APIP: variants seen among roughly 807,000 people sequenced by gnomAD.
The protein encoded by APIP is APAF1 interacting protein, also known as methylthioribulose-1-phosphate dehydratase.
APIP carries 32 observed loss-of-function variants against 32.0 expected under a neutral mutation model. The ratio of observed to expected loss-of-function variants is 1.00; its 90% confidence interval spans 0.76 to 1.34. The LOEUF (loss-of-function observed/expected upper bound fraction) is 1.34, where lower values mean the gene tolerates loss of function less well. APIP is among the 40% of genes most tolerant of loss of function. The pLI, the probability that APIP is intolerant of heterozygous loss-of-function variation, is 0.00. For missense variants in APIP, 247 were observed against 298.6 expected (o/e 0.83, Z 1.27); for synonymous variants, 92 against 94.8 (o/e 0.97, Z 0.17).
chr11:34,910,576 G>T (rs1477046905), intron 1 of APIP, among the ~76,000 whole-genome samples: 1 of 152,168 alleles, frequency 6.6e-6, no homozygotes, highest in African/African-American at 2.4e-5. Flanking sequence ...ACAGGAATGG[G>T]AGGAAAGGTA....
intron 1 of APIP, among the ~76,000 whole-genome samples, chr11:34,908,313 A>G (rs7110223): frequency 0.19 from 28,813 of 152,176 alleles, 3,893 homozygotes; most frequent in African/African-American, 0.39. Context: ...GATACCCAGT[A>G]AATACTCTTT....
At chr11:34,913,817 G>A (rs1024710798) in intron 1 of APIP, among the ~76,000 whole-genome samples, 6 of 152,136 alleles carry the variant, frequency 3.9e-5, no homozygotes, top group South Asian at 2.1e-4. Flanking sequence ...GACACAGAGC[G>A]CCGATTGGTG....
intron 1 of APIP, among the ~76,000 whole-genome samples, chr11:34,910,023 G>T (rs1460580296): frequency 1.3e-5 from 2 of 152,126 alleles, no homozygotes; most frequent in East Asian, 3.9e-4. Context: ...GAGAATAAAA[G>T]GTATAAAACA....
chr11:34,913,517 C>T (rs1016634525), intron 1 of APIP, among the ~76,000 whole-genome samples: 6 of 151,684 alleles, frequency 4.0e-5, no homozygotes, highest in African/African-American at 1.2e-4. Context: ...GCAGGTTGTT[C>T]GTTCCTCCCG....
At chr11:34,908,179 A>G (rs573501552) in intron 1 of APIP, among the ~76,000 whole-genome samples, 9 of 152,362 alleles carry the variant, frequency 5.9e-5, no homozygotes, top group African/African-American at 2.2e-4. Flanking sequence ...GATACTGTCC[A>G]CAGGTTAACA....
At chr11:34,895,885 AAATG>A (rs1259720320) in intron 1 of APIP, among the ~76,000 whole-genome samples, 8 of 143,282 alleles carry the variant, frequency 5.6e-5, no homozygotes, top group African/African-American at 1.0e-4. Flanking sequence ...ATAAATAAAT[AAATG>A]AAGAAGAAAT....
chr11:34,907,137 G>A (rs1214838881), intron 1 of APIP, among the ~76,000 whole-genome samples: 1 of 152,056 alleles, frequency 6.6e-6, no homozygotes, highest in Non-Finnish European at 1.5e-5. Flanking sequence ...CCTCAGGAAG[G>A]GAATATTACA....
At chr11:34,886,184 T>C (rs754966895) in intron 5 of APIP, among the ~76,000 whole-genome samples, 40 of 152,250 alleles carry the variant, frequency 2.6e-4, no homozygotes, top group Non-Finnish European at 4.7e-4. Flanking sequence ...GACAGCTCCA[T>C]GCATGTTACT....
chr11:34,883,167 C>G (rs1354347218), intron 6 of APIP, among the ~76,000 whole-genome samples, 170 bp downstream of exon 6: 1 of 152,116 alleles, frequency 6.6e-6, no homozygotes, highest in Non-Finnish European at 1.5e-5. Flanking sequence ...AGAGCCTTGC[C>G]AAACAACAGC....
chr11:34,890,921 T>C (rs1306818161), intron 2 of APIP, among the ~76,000 whole-genome samples: 1 of 152,172 alleles, frequency 6.6e-6, no homozygotes, highest in Non-Finnish European at 1.5e-5. Flanking sequence ...AATACAGTTA[T>C]TCTAAAATCC....
chr11:34,887,668 C>A (rs1319948027), intron 5 of APIP, among the ~76,000 whole-genome samples: 1 of 152,082 alleles, frequency 6.6e-6, no homozygotes, highest in Admixed American at 6.6e-5. Flanking sequence ...CTAATAAACT[C>A]AAATGAAATG....
At chr11:34,907,095 A>C (rs1023830544) in intron 1 of APIP, among the ~76,000 whole-genome samples, 19 of 152,152 alleles carry the variant, frequency 1.2e-4, no homozygotes, top group Admixed American at 3.9e-4. Context: ...GTTCTTGCCC[A>C]AAACCCCCTA....
intron 1 of APIP, among the ~76,000 whole-genome samples, chr11:34,908,409 C>A (rs960075057): frequency 6.6e-6 from 1 of 152,228 alleles, no homozygotes; most frequent in Non-Finnish European, 1.5e-5. Context: ...ATGAGTCATA[C>A]TTTCTCTCTG....
chr11:34,888,311 G>A lies in APIP; in HGVS notation c.443C>T (p.Thr148Ile). ...QEMIKGIKKC[T>I]SGGYYRYDDM... The stretch of plus-strand genomic sequence containing the variant: ...AAAATACCTATAATACCCTCCGGAA[G>A]TACATTTCTTTATTCCTTTTATCAT... The change falls in exon 5 of 7, where the codon ACT (threonine) becomes ATT (isoleucine). Residue 148 changes from threonine (T) to isoleucine (I), a missense_variant. Coordinates refer to ENST00000395787, the MANE Select transcript of APIP (RefSeq NM_015957.4). The A allele has an allele frequency of 6.3e-7, 1 of 1,598,624 alleles. No individual in the cohort carries two copies. Among genetic ancestry groups the A allele is most frequent in the Non-Finnish European group, 8.5e-7 (1 of 1,175,038 alleles).
chr11:34,903,441 C>A (rs1339883860), intron 1 of APIP, among the ~76,000 whole-genome samples: 5 of 152,218 alleles, frequency 3.3e-5, no homozygotes, highest in African/African-American at 1.2e-4. Flanking sequence ...AGAGAGCTAA[C>A]ATTTACACTG....
chr11:34,885,957 T>C (rs536166065), intron 5 of APIP, among the ~76,000 whole-genome samples: 32 of 152,212 alleles, frequency 2.1e-4, no homozygotes, highest in Non-Finnish European at 1.5e-4. Flanking sequence ...GCTAGCTGTA[T>C]AAAAGTACAG....
intron 1 of APIP, among the ~76,000 whole-genome samples, chr11:34,897,094 A>C (rs1476049173): frequency 3.9e-5 from 6 of 152,254 alleles, no homozygotes; most frequent in African/African-American, 1.4e-4. Flanking sequence ...TTGAATTCTC[A>C]GCTACTTAGC....
intron 5 of APIP, among the ~76,000 whole-genome samples, chr11:34,885,521 G>C (rs1853052588): frequency 6.6e-6 from 1 of 152,124 alleles, no homozygotes; most frequent in African/African-American, 2.4e-5. Context: ...AGGGCCCCGA[G>C]CTGTACACAG....
intron 1 of APIP, among the ~76,000 whole-genome samples, chr11:34,899,268 C>T (rs1853337404): frequency 6.6e-6 from 1 of 152,202 alleles, no homozygotes; most frequent in African/African-American, 2.4e-5. Flanking sequence ...CTGCAGCTTC[C>T]TTTTGCACCA....
Sources: allele counts gnomAD v4.1 joint callset (sites outside exome capture counted in the v4.1 genomes callset), GRCh38; gene constraint gnomAD v4.1.1; transcripts MANE v1.5; gene names NCBI Gene and HGNC (gene_info 2026-07-23, HGNC 2026-07-21).